Variants in UTRN observed in about 807,000 individuals in gnomAD.
The protein encoded by UTRN is utrophin, also known as dystrophin-related protein 1.
In UTRN, 283 loss-of-function variants were observed where a neutral mutation model predicts 463.9. The ratio of observed to expected loss-of-function variants is 0.61; its 90% CI spans 0.55 to 0.67. The LOEUF (loss-of-function observed/expected upper bound fraction) is 0.67. Among genes scored for constraint, UTRN ranks in the 30% least tolerant of loss-of-function variants. The probability of loss-of-function intolerance (pLI) is 0.00; values close to 1 mark genes in which losing one functional copy is unlikely to be tolerated. For missense variants in UTRN, 3,922 were observed against 4,084.3 expected (o/e 0.96, Z 1.08); for synonymous variants, 1,442 against 1,431.5 (o/e 1.01, Z -0.17).
chr6:144,688,424 G>A (rs1339749760), intron 52 of UTRN, among the ~76,000 whole-genome samples: 1 of 152,054 alleles, frequency 6.6e-6, no homozygotes, highest in Non-Finnish European at 1.5e-5. Flanking sequence ...GTGATCATTT[G>A]GTGGTGTTAA....
intron 2 of UTRN, among the ~76,000 whole-genome samples, chr6:144,372,334 A>G (rs1780063090): frequency 6.6e-6 from 1 of 152,196 alleles, no homozygotes; most frequent in South Asian, 2.1e-4. Flanking sequence ...CCATCTGTTA[A>G]ATGGGATAGT....
intron 46 of UTRN, among the ~76,000 whole-genome samples, chr6:144,543,647 CCTT>C (rs1352527158): frequency 2.6e-5 from 4 of 152,110 alleles, no homozygotes; most frequent in African/African-American, 7.2e-5. Flanking sequence ...TCCATGTCCA[CCTT>C]CTACTTTCTA....
intron 52 of UTRN, among the ~76,000 whole-genome samples, chr6:144,688,207 T>C (rs1295698770): frequency 4.6e-5 from 7 of 152,198 alleles, no homozygotes; most frequent in Non-Finnish European, 1.0e-4. Context: ...TAAATATGTA[T>C]TCCATTTCCA....
At chr6:144,798,360 G>T (rs576672632) in intron 64 of UTRN, among the ~76,000 whole-genome samples, 227 of 152,266 alleles carry the variant, frequency 1.5e-3, no homozygotes, top group African/African-American at 5.1e-3. Flanking sequence ...AACTTAGTAA[G>T]CAGGAAGCAA....
At chr6:144,487,050 GTAATA>G (rs1792528293) in intron 28 of UTRN, among the ~76,000 whole-genome samples, 1 of 152,104 alleles carries the variant, frequency 6.6e-6, no homozygotes, top group African/African-American at 2.4e-5. Flanking sequence ...CTTATTTTTA[GTAATA>G]TAATTAATAA....
intron 73 of UTRN, 48 bp from the exon 74 acceptor site, chr6:144,846,757 A>G: frequency 6.2e-7 from 1 of 1,613,908 alleles, no homozygotes; most frequent in Non-Finnish European, 8.5e-7. Flanking sequence ...TGGAACCAAC[A>G]AAGTAACAGG....
At chr6:144,629,146 T>C (rs1302623199) in intron 51 of UTRN, among the ~76,000 whole-genome samples, 3 of 152,204 alleles carry the variant, frequency 2.0e-5, no homozygotes, top group African/African-American at 7.2e-5. Context: ...ATTGCTTACC[T>C]TGAATCTTAA....
chr6:144,682,414 G>T lies in UTRN; in HGVS notation c.7652+3836G>T, dbSNP rs189639286. Among the ~76,000 whole-genome samples, 10 of 152,230 alleles carry T rather than the reference G, an allele frequency of 6.6e-5. No homozygotes were observed. In the East Asian group the frequency reaches 1.9e-3, roughly 29 times the overall value. ...AACACTTAGGTTGCTTCCAAATCTT[G>T]GCTATTGTGAACAGTACTGCCACAA... On this transcript the variant is annotated intron_variant, in intron 52 of 74. Transcript: ENST00000367545.
intron 51 of UTRN, among the ~76,000 whole-genome samples, chr6:144,631,231 GA>G (rs1188780292): frequency 8.9e-6 from 1 of 111,868 alleles, no homozygotes; most frequent in African/African-American, 3.2e-5. Flanking sequence ...GTGTGTGAGA[GA>G]GAGAGGTGTG....
At chr6:144,779,123 T>C (rs1459608216) in intron 60 of UTRN, among the ~76,000 whole-genome samples, 1 of 152,178 alleles carries the variant, frequency 6.6e-6, no homozygotes, top group Non-Finnish European at 1.5e-5. Context: ...GAAATGGGCT[T>C]TTTGGAATTT....
At chr6:144,622,970 T>C (rs1007781567) in intron 51 of UTRN, among the ~76,000 whole-genome samples, 2 of 152,208 alleles carry the variant, frequency 1.3e-5, no homozygotes, top group Non-Finnish European at 2.9e-5. Context: ...ATAGAGACAG[T>C]GCTAGCAACA....
Position 144,708,450 on chromosome 6 carries a change from G to T in UTRN, c.7809+8207G>T, listed in dbSNP as rs529524840. ...TCTTCTCTAGAGGCTCTGACTCCTC[G>T]GGCCTCTGACTCCTCACGCCTTCAT... is the stretch of plus-strand genomic sequence containing the variant. On this transcript the variant is annotated intron_variant, in intron 53 of 74. Transcript: ENST00000367545. The T allele has an allele frequency of 3.9e-4, 240 of 617,398 alleles. 4 individuals carry two copies. The highest frequency in any genetic ancestry group is 3.6e-3 in the South Asian group (219 of 60,138). The allele number at this position is 617,398 out of a possible 1,614,324, so 38.2% of individuals were successfully genotyped here. A position where few individuals can be genotyped will look rare whatever the true frequency, so the allele number is the denominator to read the frequency against.
At chr6:144,424,539 T>C (rs575003499) in intron 6 of UTRN, among the ~76,000 whole-genome samples, 1 of 152,206 alleles carries the variant, frequency 6.6e-6, no homozygotes, top group East Asian at 1.9e-4. Context: ...GGGTTAGGAC[T>C]TCAACATATT....
intron 34 of UTRN, among the ~76,000 whole-genome samples, chr6:144,503,980 C>T (rs1310383705): frequency 6.6e-6 from 1 of 152,086 alleles, no homozygotes; most frequent in African/African-American, 2.4e-5. Flanking sequence ...AAGTTGTATT[C>T]CTAGCTATTT....
intron 51 of UTRN, among the ~76,000 whole-genome samples, chr6:144,578,532 AC>A (rs1169119556): frequency 6.6e-6 from 1 of 152,016 alleles, no homozygotes; most frequent in East Asian, 1.9e-4. Flanking sequence ...ATGGGGTTTC[AC>A]CATGTTGGCC....
At chr6:144,616,334 A>T (rs553439935) in intron 51 of UTRN, among the ~76,000 whole-genome samples, 1 of 152,146 alleles carries the variant, frequency 6.6e-6, no homozygotes, top group East Asian at 1.9e-4. Context: ...TTTAAAGACA[A>T]TTTGTTGGAT....
chr6:144,790,666 T>C lies in UTRN; in HGVS notation c.8920+1387T>C, dbSNP rs9390226. On this transcript the variant is annotated intron_variant, in intron 62 of 74. Coordinates refer to ENST00000367545, the MANE Select transcript of UTRN (RefSeq NM_007124.3). The stretch of plus-strand genomic sequence containing the variant: ...TTGCTTTGTGGCACTTTATCCAGAA[T>C]TGAAGTAGTTTTTGGAATCATAATC... Among the ~76,000 whole-genome samples the C allele has an allele frequency of 1.5e-3, 236 of 152,328 alleles. 6 individuals are homozygous for C. The East Asian group carries it at 0.038, about 25-fold the overall frequency.
chr6:144,467,259 C>G (rs948567702), intron 23 of UTRN, among the ~76,000 whole-genome samples: 6 of 152,226 alleles, frequency 3.9e-5, no homozygotes, highest in African/African-American at 1.2e-4. Context: ...CTGTCTTCAG[C>G]CCAGCTCATC....
At chr6:144,681,697 G>T (rs1782213649) in intron 52 of UTRN, among the ~76,000 whole-genome samples, 1 of 152,064 alleles carries the variant, frequency 6.6e-6, no homozygotes, top group African/African-American at 2.4e-5. Context: ...AAGGGAAGAG[G>T]AGGGAAGAAT....
Sources: gnomAD v4.1 joint callset for allele counts (sites outside exome capture counted in the v4.1 genomes callset) on GRCh38, gnomAD v4.1.1 for gene constraint, MANE v1.5 for transcripts, NCBI Gene and HGNC (gene_info 2026-07-23, HGNC 2026-07-21) for gene names.